Variants in CFAP47 observed in about 807,000 individuals in gnomAD.
CFAP47 encodes the protein cilia and flagella associated protein 47.
A neutral mutation model predicts 148.1 loss-of-function variants in CFAP47; 29 were observed. The observed-to-expected ratio is 0.20, with a 90% confidence interval of 0.15 to 0.27. The LOEUF (loss-of-function observed/expected upper bound fraction) is 0.27, where lower values mean the gene tolerates loss of function less well. Among genes scored for constraint, CFAP47 ranks in the 10% least tolerant of loss-of-function variants. CFAP47 has a pLI of 1.00. For missense variants in CFAP47, 1,872 were observed against 1,697.5 expected (o/e 1.10, Z -1.81); for synonymous variants, 664 against 577.3 (o/e 1.15, Z -2.15).
intron 13 of CFAP47, 25 bp from the exon 14 acceptor site, chrX:35,975,122 C>A (rs141755640): frequency 8.1e-6 from 8 of 985,270 alleles, no homozygotes; most frequent in Non-Finnish European, 9.6e-6. Flanking sequence ...TTAAACTTAA[C>A]AAAATACTTT....
At chrX:36,033,668 G>GA (rs1390639651) in intron 23 of CFAP47, among the ~76,000 whole-genome samples, 1 of 111,017 alleles carries the variant, frequency 9.0e-6, no homozygotes. Flanking sequence ...CAAGGCTTGG[G>GA]AAAAAAATTG....
chrX:36,376,181 A>G (rs2068322493), intron 62 of CFAP47, among the ~76,000 whole-genome samples: 2 of 112,184 alleles, frequency 1.8e-5, no homozygotes, highest in Admixed American at 1.9e-4. Context: ...GAGATTCTGG[A>G]GGCCTTGCAA....
chrX:36,246,706 G>A (rs1555997088), intron 48 of CFAP47, among the ~76,000 whole-genome samples: 1 of 111,201 alleles, frequency 9.0e-6, no homozygotes, highest in Non-Finnish European at 1.9e-5. Context: ...GATTTTGGGT[G>A]GGGACACAGC....
intron 33 of CFAP47, among the ~76,000 whole-genome samples, chrX:36,131,190 T>C (rs1938941782): frequency 9.0e-6 from 1 of 110,896 alleles, no homozygotes; most frequent in Admixed American, 9.7e-5. Flanking sequence ...AATATATGCA[T>C]CTACTATGTA....
intron 8 of CFAP47, among the ~76,000 whole-genome samples, chrX:35,965,134 TTTTG>T (rs745574113): frequency 9.0e-6 from 1 of 111,554 alleles, no homozygotes; most frequent in East Asian, 2.8e-4. Context: ...TTTGTTGTTG[TTTTG>T]TTTATTTAGT....
chrX:36,302,820 CTG>C (rs1193647795), intron 53 of CFAP47, among the ~76,000 whole-genome samples: 1 of 111,895 alleles, frequency 8.9e-6, no homozygotes, highest in African/African-American at 3.2e-5. Context: ...TACGACTAGA[CTG>C]TGTTAGCTTT....
At chrX:36,151,020 G>T (rs372741729) in intron 37 of CFAP47, among the ~76,000 whole-genome samples, 5 of 111,503 alleles carry the variant, frequency 4.5e-5, no homozygotes, top group East Asian at 5.6e-4. Flanking sequence ...CTTCCAATAG[G>T]GTGATACAAG....
At chrX:35,989,671 A>T in intron 16 of CFAP47, 1 of 862,473 alleles carries the variant, frequency 1.2e-6, no homozygotes, top group Non-Finnish European at 1.6e-6. Flanking sequence ...GTATTTTCAG[A>T]GAATATACTT....
In CFAP47 at chrX:36,047,491, G is replaced by A. The variant is rs180741785; in HGVS notation, c.4217+428G>A. 7.1e-5 allele frequency among the ~76,000 whole-genome samples: 8 copies of A among 112,137 alleles called. No individual in the cohort carries two copies. The East Asian group carries it at 2.2e-3, about 31-fold the overall frequency. ...AACATAATGATTTCCCTACAATATA[G>A]CTTTGTTGCATGTTACTTTAACGGG... On this transcript the variant is annotated intron_variant, in intron 26 of 63. Coordinates refer to ENST00000378653, the MANE Select transcript of CFAP47 (RefSeq NM_001304548.2).
At chrX:35,930,008 A>G (rs1268525254) in intron 2 of CFAP47, among the ~76,000 whole-genome samples, 1 of 110,520 alleles carries the variant, frequency 9.0e-6, no homozygotes, top group African/African-American at 3.3e-5. Context: ...AAAAAACAAA[A>G]CAAAACAAAC....
At chrX:36,247,574 C>T (rs1199535720) in intron 48 of CFAP47, among the ~76,000 whole-genome samples, 1 of 110,980 alleles carries the variant, frequency 9.0e-6, no homozygotes, top group African/African-American at 3.3e-5. Context: ...TTTCTGTATG[C>T]TACTGAAATT....
chrX:36,193,686 G>A (rs1939889307), intron 42 of CFAP47, among the ~76,000 whole-genome samples: 2 of 110,967 alleles, frequency 1.8e-5, no homozygotes, highest in African/African-American at 6.6e-5. Flanking sequence ...CTGTCAATGT[G>A]GCATATACTC....
intron 33 of CFAP47, among the ~76,000 whole-genome samples, chrX:36,114,353 T>G (rs1293393603): frequency 9.0e-6 from 1 of 111,332 alleles, no homozygotes; most frequent in Non-Finnish European, 1.9e-5. Context: ...TTTCTGTCAT[T>G]TCAGCCAACT....
At chrX:36,136,573 A>G (rs1939048598) in intron 33 of CFAP47, among the ~76,000 whole-genome samples, 1 of 111,371 alleles carries the variant, frequency 9.0e-6, no homozygotes, top group Non-Finnish European at 1.9e-5. Context: ...TACTTAGGTA[A>G]GAGAGTACAT....
intron 49 of CFAP47, among the ~76,000 whole-genome samples, chrX:36,274,063 T>C (rs1940987790): frequency 1.8e-5 from 2 of 112,111 alleles, no homozygotes; most frequent in Admixed American, 1.9e-4. Context: ...TTATTTTTTG[T>C]GATAGTTAAC....
At chrX:36,175,070 C>A (rs1171175940) in intron 39 of CFAP47, among the ~76,000 whole-genome samples, 1 of 111,953 alleles carries the variant, frequency 8.9e-6, no homozygotes, top group African/African-American at 3.3e-5. Context: ...ATCACTGATA[C>A]CCTTTCTTCC....
At chrX:35,994,058 C>T (rs1347740027) in intron 18 of CFAP47, among the ~76,000 whole-genome samples, 11 of 110,373 alleles carry the variant, frequency 1.0e-4, no homozygotes, top group East Asian at 5.7e-4. Context: ...GTCAGGAGAT[C>T]GAGACCATCT....
rs777106118 is a variant in CFAP47 at position 36,177,845 on chromosome X, A to T, written c.6027-1500A>T. Among the ~76,000 whole-genome samples the T allele has an allele frequency of 8.9e-5, 10 of 111,938 alleles. No homozygotes were observed. The East Asian group carries it at 2.2e-3, about 25-fold the overall frequency. The stretch of plus-strand genomic sequence containing the variant: ...CGTAATAGTGGGTATATACCCAAAG[A>T]TAAGCAAATCATTCTACCAGAAATA... On this transcript the variant is annotated intron_variant, in intron 39 of 63. Coordinates refer to ENST00000378653, the MANE Select transcript of CFAP47 (RefSeq NM_001304548.2).
chrX:36,179,182 T>C (rs1939720886), intron 39 of CFAP47, among the ~76,000 whole-genome samples, 163 bp from the exon 40 acceptor site: 1 of 112,567 alleles, frequency 8.9e-6, no homozygotes, highest in African/African-American at 3.2e-5. Context: ...ACATATATCT[T>C]TTGAGTTGCA....
Sources: allele counts gnomAD v4.1 joint callset (sites outside exome capture counted in the v4.1 genomes callset), GRCh38; gene constraint gnomAD v4.1.1; transcripts MANE v1.5; gene names NCBI Gene and HGNC (gene_info 2026-07-23, HGNC 2026-07-21).